Variants in KCNMA1 observed in about 807,000 individuals in gnomAD.
The protein encoded by KCNMA1 is potassium calcium-activated channel subfamily M alpha 1.
Under a neutral mutation model 140.0 loss-of-function variants are expected in KCNMA1, and 29 were observed. The ratio of observed to expected loss-of-function variants is 0.21; its 90% CI spans 0.15 to 0.28. The LOEUF is 0.28. Among genes scored for constraint, KCNMA1 ranks in the 10% least tolerant of loss-of-function variants. The probability of loss-of-function intolerance (pLI) is 1.00; values close to 1 mark genes in which losing one functional copy is unlikely to be tolerated. For missense variants in KCNMA1, 880 were observed against 1,602.2 expected (o/e 0.55, Z 7.70); for synonymous variants, 612 against 611.9 (o/e 1.00, Z 0.00).
chr10:77,142,660 T>C (rs540802938), intron 5 of KCNMA1, among the ~76,000 whole-genome samples: 68 of 152,254 alleles, frequency 4.5e-4, no homozygotes, highest in African/African-American at 1.6e-3. Flanking sequence ...GGTCCTGACT[T>C]GAAAGAAACT....
At chr10:77,373,039 A>T (rs2094847292) in intron 2 of KCNMA1, 1 of 152,218 alleles carries the variant, frequency 6.6e-6, no homozygotes, top group East Asian at 1.9e-4. Context: ...TGCCTAGTAG[A>T]AATACAAATG....
At chr10:76,981,694 G>A (rs1297025403) in intron 19 of KCNMA1, among the ~76,000 whole-genome samples, 1 of 152,164 alleles carries the variant, frequency 6.6e-6, no homozygotes, top group African/African-American at 2.4e-5. Flanking sequence ...GCCTCCTCCA[G>A]GGGGCCTTCC....
chr10:77,362,114 G>T (rs912877526), intron 2 of KCNMA1, among the ~76,000 whole-genome samples: 2 of 152,134 alleles, frequency 1.3e-5, no homozygotes, highest in African/African-American at 4.8e-5. Context: ...CTTCCAGATC[G>T]GTTGTCTCAC....
At chr10:77,407,740 G>A (rs2096519252) in intron 1 of KCNMA1, among the ~76,000 whole-genome samples, 1 of 152,138 alleles carries the variant, frequency 6.6e-6, no homozygotes, top group African/African-American at 2.4e-5. Flanking sequence ...TCATTAAGGT[G>A]GTGGGGAAGC....
At chr10:77,590,677 A>C (rs545374148) in intron 1 of KCNMA1, among the ~76,000 whole-genome samples, 2 of 152,252 alleles carry the variant, frequency 1.3e-5, no homozygotes, top group Non-Finnish European at 2.9e-5. Context: ...AGTGCCGCCA[A>C]AGTGGGAGCC....
At chr10:77,393,909 G>A (rs966690746) in intron 2 of KCNMA1, among the ~76,000 whole-genome samples, 6 of 152,356 alleles carry the variant, frequency 3.9e-5, no homozygotes, top group Admixed American at 1.3e-4. Context: ...GAAGCAGGCC[G>A]GACTGGCTGC....
chr10:77,364,276 C>A (rs1213358607), intron 2 of KCNMA1, among the ~76,000 whole-genome samples: 1 of 152,006 alleles, frequency 6.6e-6, no homozygotes. Context: ...CATAGCAAAA[C>A]CCTGTCTCTA....
At chr10:77,457,651 C>T (rs908011028) in intron 1 of KCNMA1, among the ~76,000 whole-genome samples, 2 of 152,184 alleles carry the variant, frequency 1.3e-5, no homozygotes, top group Middle Eastern at 3.4e-3. Flanking sequence ...ATATAAACTC[C>T]TTCTACTAGA....
At chr10:76,916,600 C>T (rs1271394597) in intron 23 of KCNMA1, among the ~76,000 whole-genome samples, 2 of 152,168 alleles carry the variant, frequency 1.3e-5, no homozygotes, top group African/African-American at 4.8e-5. Context: ...CAGCGGAATG[C>T]TACATGGGCT....
chr10:77,408,428 G>A (rs2096539331), intron 1 of KCNMA1, among the ~76,000 whole-genome samples: 1 of 151,888 alleles, frequency 6.6e-6, no homozygotes, highest in Non-Finnish European at 1.5e-5. Context: ...GCATGTGTGT[G>A]CACGTGTGAG....
At chr10:77,018,544 C>T (rs1045162506) in intron 17 of KCNMA1, among the ~76,000 whole-genome samples, 5 of 152,164 alleles carry the variant, frequency 3.3e-5, no homozygotes, top group African/African-American at 1.2e-4. Flanking sequence ...ACCTAGGAGG[C>T]CACAAATAGA....
chr10:77,584,387 G>T (rs34629886), intron 1 of KCNMA1, among the ~76,000 whole-genome samples: 1 of 152,004 alleles, frequency 6.6e-6, no homozygotes, highest in Non-Finnish European at 1.5e-5. Context: ...ACTAAGTCTC[G>T]CTCTGTTGCC....
At chr10:77,483,304 G>A (rs1164427398) in intron 1 of KCNMA1, among the ~76,000 whole-genome samples, 4 of 152,156 alleles carry the variant, frequency 2.6e-5, no homozygotes, top group Non-Finnish European at 4.4e-5. Context: ...AAGGACATCC[G>A]GCAGTTTTCT....
chr10:77,526,748 T>A (rs1261769276), intron 1 of KCNMA1, among the ~76,000 whole-genome samples: 1 of 152,178 alleles, frequency 6.6e-6, no homozygotes, highest in Non-Finnish European at 1.5e-5. Context: ...TGTGAATGAA[T>A]CCTTGATTTC....
intron 1 of KCNMA1, among the ~76,000 whole-genome samples, chr10:77,471,199 AAC>A (rs1329570524): frequency 6.8e-6 from 1 of 146,542 alleles, no homozygotes. Flanking sequence ...CCACACATGC[AAC>A]ACACACTACA....
chr10:77,343,395 G>A (rs988276716), intron 2 of KCNMA1, among the ~76,000 whole-genome samples: 3 of 152,156 alleles, frequency 2.0e-5, no homozygotes, highest in Non-Finnish European at 4.4e-5. Context: ...GATCACACAG[G>A]TGGGAAGTTG....
chr10:77,264,804 C>T (rs2062973335), intron 2 of KCNMA1, among the ~76,000 whole-genome samples: 2 of 152,162 alleles, frequency 1.3e-5, no homozygotes, highest in Admixed American at 6.6e-5. Context: ...TTCCATCCCT[C>T]ATCCACTCCA....
At chr10:77,002,914 T>C (rs554791763) in intron 18 of KCNMA1, among the ~76,000 whole-genome samples, 1 of 152,284 alleles carries the variant, frequency 6.6e-6, no homozygotes, top group South Asian at 2.1e-4. Flanking sequence ...ACCTTCCATT[T>C]TGAAAGTCAT....
intron 1 of KCNMA1, among the ~76,000 whole-genome samples, chr10:77,544,743 G>A (rs2061014293): frequency 6.6e-6 from 1 of 152,220 alleles, no homozygotes; most frequent in African/African-American, 2.4e-5. Flanking sequence ...GTAGTTTGCA[G>A]AGCTGGGCTT....
Sources: allele counts gnomAD v4.1 joint callset (sites outside exome capture counted in the v4.1 genomes callset), GRCh38; gene constraint gnomAD v4.1.1; transcripts MANE v1.5; gene names NCBI Gene and HGNC (gene_info 2026-07-23, HGNC 2026-07-21).